ADAMTSL1: variants seen among roughly 807,000 people sequenced by gnomAD.
ADAMTSL1 encodes ADAMTS like 1.
In ADAMTSL1, 126 loss-of-function variants were observed where a neutral mutation model predicts 201.8. The ratio of observed to expected loss-of-function variants is 0.62; its 90% CI spans 0.54 to 0.72. The LOEUF is 0.72. Ranked by LOEUF, ADAMTSL1 falls within the 30% of genes least tolerant of loss-of-function variation. ADAMTSL1 has a pLI of 0.00. For missense variants in ADAMTSL1, 2,679 were observed against 2,277.8 expected, an observed-to-expected ratio of 1.18 and a Z score of -3.59; for synonymous variants, 1,121 against 903.4, an observed-to-expected ratio of 1.24 and a Z score of -4.32.
chr9:18,340,818 G>A (rs1409630181), intron 2 of ADAMTSL1, among the ~76,000 whole-genome samples: 1 of 152,118 alleles, frequency 6.6e-6, no homozygotes, highest in Admixed American at 6.6e-5. Flanking sequence ...CCCCAGCCAT[G>A]TGAAACTGTG....
chr9:18,059,674 G>A (rs1822362618), intron 1 of ADAMTSL1, among the ~76,000 whole-genome samples: 1 of 152,118 alleles, frequency 6.6e-6, no homozygotes, highest in Non-Finnish European at 1.5e-5. Flanking sequence ...GTCTACTCTT[G>A]AATGATTGCT....
chr9:18,801,813 G>T (rs1296662163), intron 20 of ADAMTSL1, among the ~76,000 whole-genome samples: 1 of 152,154 alleles, frequency 6.6e-6, no homozygotes, highest in Non-Finnish European at 1.5e-5. Context: ...ATTGTGAAGA[G>T]TGCTGCAGTG....
chr9:18,889,548 T>C lies in ADAMTSL1; in HGVS notation c.4463-20T>C. 6.2e-7 allele frequency: 1 copy of C among 1,612,588 alleles called. No individual in the cohort carries two copies. Among genetic ancestry groups the C allele is most frequent in the Non-Finnish European group, 8.5e-7 (1 of 1,179,196 alleles). Reference sequence around the variant, plus strand: ...AATTATGCTATATTCTTTTCTACACTGCTCCTCCTCCCATGACAGATTACT... The same window carrying C: ...AATTATGCTATATTCTTTTCTACACCGCTCCTCCTCCCATGACAGATTACT... On this transcript the variant is annotated intron_variant, in intron 24 of 28. Coordinates refer to ENST00000380548, the MANE Select transcript of ADAMTSL1 (RefSeq NM_001040272.6).
chr9:18,280,072 G>C (rs531916593), intron 2 of ADAMTSL1, among the ~76,000 whole-genome samples: 1 of 152,022 alleles, frequency 6.6e-6, no homozygotes, highest in African/African-American at 2.4e-5. Context: ...TTGAACCCTA[G>C]TTTTTTTGAA....
chr9:18,607,232 C>G (rs1587695479), intron 4 of ADAMTSL1, among the ~76,000 whole-genome samples: 1 of 152,300 alleles, frequency 6.6e-6, no homozygotes, highest in South Asian at 2.1e-4. Context: ...AACATGCCTG[C>G]ACCTACAGAA....
intron 1 of ADAMTSL1, among the ~76,000 whole-genome samples, chr9:17,913,722 T>A (rs990671719): frequency 7.9e-5 from 12 of 152,182 alleles, no homozygotes; most frequent in Non-Finnish European, 1.6e-4. Flanking sequence ...AAAAAACTGA[T>A]GAATCCAGGA....
intron 1 of ADAMTSL1, among the ~76,000 whole-genome samples, chr9:17,908,639 G>C (rs951760316): frequency 2.6e-5 from 4 of 152,038 alleles, no homozygotes; most frequent in Non-Finnish European, 5.9e-5. Flanking sequence ...TGTATTTTTA[G>C]TAGAGACGGG....
chr9:18,431,247 A>T (rs777505951), intron 2 of ADAMTSL1, among the ~76,000 whole-genome samples: 1 of 152,234 alleles, frequency 6.6e-6, no homozygotes, highest in Admixed American at 6.5e-5. Context: ...TGTTGAATTC[A>T]TATGTCCAGA....
At chr9:18,485,116 A>G (rs143980206) in intron 1 of ADAMTSL1, among the ~76,000 whole-genome samples, 231 of 152,312 alleles carry the variant, frequency 1.5e-3, no homozygotes, top group African/African-American at 5.1e-3. Flanking sequence ...CATCTTGACA[A>G]GGAAACTGAG....
chr9:18,781,595 G>A (rs1025142719), intron 19 of ADAMTSL1, among the ~76,000 whole-genome samples: 1 of 152,190 alleles, frequency 6.6e-6, no homozygotes, highest in Non-Finnish European at 1.5e-5. Flanking sequence ...GACCTTTCCT[G>A]TGTTGGGTTT....
chr9:18,125,166 C>T (rs1437220336), intron 1 of ADAMTSL1, among the ~76,000 whole-genome samples: 1 of 152,128 alleles, frequency 6.6e-6, no homozygotes, highest in Non-Finnish European at 1.5e-5. Context: ...GCTGGGGAGG[C>T]CTCACAATCA....
In ADAMTSL1 at chr9:18,839,501, C is replaced by T. The variant is rs188205398; in HGVS notation, c.4249+9524C>T. On this transcript the variant is annotated intron_variant, in intron 23 of 28. Transcript: ENST00000380548. ...TAGTGCCGCAATAAACATATGTGTG[C>T]GTGTGTCTTTATAGCAGCATGATTT... 6.0e-3 allele frequency among the ~76,000 whole-genome samples: 914 copies of T among 152,144 alleles called. 13 individuals carry two copies. Among genetic ancestry groups the T allele is most frequent in the African/African-American group, 0.02 (841 of 41,482 alleles).
At chr9:18,605,880 C>T (rs1824979867) in intron 4 of ADAMTSL1, among the ~76,000 whole-genome samples, 1 of 152,126 alleles carries the variant, frequency 6.6e-6, no homozygotes, top group East Asian at 1.9e-4. Context: ...TCACGCTTGA[C>T]CCAGGCTGGG....
intron 19 of ADAMTSL1, among the ~76,000 whole-genome samples, chr9:18,789,139 G>A (rs537546751): frequency 6.2e-4 from 94 of 152,052 alleles, no homozygotes; most frequent in Middle Eastern, 3.4e-3. Flanking sequence ...ATGTCTTCAC[G>A]ACATCTAGAA....
At position 18,775,786 on chromosome 9, in the gene ADAMTSL1, T is replaced by C. The variant is rs1176449239; in HGVS notation, c.2441T>C (p.Ile814Thr). The change falls in exon 18 of 29, where the codon ATT (isoleucine) becomes ACT (threonine). Residue 814 changes from isoleucine to threonine, a missense_variant. Transcript: ENST00000380548. The stretch of plus-strand genomic sequence containing the variant: ...GAAGGCACCCAGACTCGAAGCGCCA[T>C]TTGCCGAAAGATGCTGAAAACCGGC... ...CGEGTQTRSA[I>T]CRKMLKTGLS... 3 of 1,612,874 alleles carry C rather than the reference T, an allele frequency of 1.9e-6. No homozygotes were observed. The highest frequency in any genetic ancestry group is 1.1e-5 in the South Asian group (1 of 90,612).
intron 1 of ADAMTSL1, among the ~76,000 whole-genome samples, chr9:18,491,060 G>T (rs938920208): frequency 1.3e-5 from 2 of 152,124 alleles, no homozygotes; most frequent in African/African-American, 4.8e-5. Context: ...AAGAGAAAGT[G>T]CTTTCGTCTT....
At chr9:18,812,142 A>T (rs1823543378) in intron 20 of ADAMTSL1, among the ~76,000 whole-genome samples, 1 of 152,240 alleles carries the variant, frequency 6.6e-6, no homozygotes, top group Non-Finnish European at 1.5e-5. Context: ...AATAGCAAAG[A>T]GGCAGGAGTA....
intron 1 of ADAMTSL1, among the ~76,000 whole-genome samples, chr9:17,938,690 A>G (rs937655154): frequency 6.6e-6 from 1 of 152,152 alleles, no homozygotes; most frequent in African/African-American, 2.4e-5. Flanking sequence ...TTTCCCAGTC[A>G]TCTTCCTCCG....
At chr9:17,952,879 GTC>G (rs901340268) in intron 1 of ADAMTSL1, among the ~76,000 whole-genome samples, 2 of 150,960 alleles carry the variant, frequency 1.3e-5, no homozygotes, top group African/African-American at 2.5e-5. Context: ...GAGATAATAA[GTC>G]TTATCTGGAA....
Sources: allele counts gnomAD v4.1 joint callset (sites outside exome capture counted in the v4.1 genomes callset), GRCh38; gene constraint gnomAD v4.1.1; transcripts MANE v1.5; gene names NCBI Gene and HGNC (gene_info 2026-07-23, HGNC 2026-07-21).